LRRC63: variants seen among roughly 807,000 people sequenced by gnomAD.
LRRC63 encodes leucine-rich repeat-containing protein 63.
A neutral mutation model predicts 49.5 loss-of-function variants in LRRC63; 40 were observed. The observed-to-expected ratio is 0.81, with a 90% confidence interval of 0.63 to 1.05. The LOEUF (loss-of-function observed/expected upper bound fraction) is 1.05, where lower values mean the gene tolerates loss of function less well. Among genes scored for constraint, LRRC63 ranks in the 50% least tolerant of loss-of-function variants. The probability of loss-of-function intolerance (pLI) is 0.00; values close to 1 mark genes in which losing one functional copy is unlikely to be tolerated. For synonymous variants in LRRC63, 191 were observed against 221.1 expected (o/e 0.86, Z 1.21); for missense variants, 636 against 663.1 (o/e 0.96, Z 0.45).
At chr13:46,243,460 G>T (rs2047122210) in intron 5 of LRRC63, among the ~76,000 whole-genome samples, 1 of 152,058 alleles carries the variant, frequency 6.6e-6, no homozygotes, top group South Asian at 2.1e-4. Flanking sequence ...TAAAAACCTT[G>T]AATATAAGTA....
Position 46,237,179 on chromosome 13 carries a change from T to C in LRRC63, c.990+2830T>C, listed in dbSNP as rs1288958798. On this transcript the variant is annotated intron_variant, in intron 5 of 9. Transcript: ENST00000595396. ...CAAAACATTCTGGAAAGGGCAAAAA[T>C]GTAAAGGCAGTAAAAGTATCTGTGG... Among the ~76,000 whole-genome samples, 7 of 151,972 alleles carry C rather than the reference T, an allele frequency of 4.6e-5. No individual in the cohort carries two copies. In the East Asian group the frequency reaches 1.4e-3, roughly 29 times the overall value.
At chr13:46,215,756 C>T (rs1226017801) in intron 2 of LRRC63, among the ~76,000 whole-genome samples, 2 of 152,088 alleles carry the variant, frequency 1.3e-5, no homozygotes, top group Non-Finnish European at 2.9e-5. Flanking sequence ...TTAGGTCTTA[C>T]ATTTAAGTCT....
At chr13:46,212,928 T>C in intron 1 of LRRC63, 74 bp from the exon 2 acceptor site, 1 of 730,648 alleles carries the variant, frequency 1.4e-6, no homozygotes, top group South Asian at 1.9e-5. Flanking sequence ...TTCTTTAAGA[T>C]GTAATCTAAA....
At chr13:46,243,983 T>C (rs2047140961) in intron 5 of LRRC63, among the ~76,000 whole-genome samples, 1 of 152,096 alleles carries the variant, frequency 6.6e-6, no homozygotes, top group African/African-American at 2.4e-5. Flanking sequence ...ACAAGAAATG[T>C]TGGAAAAAAA....
chr13:46,217,025 G>C (rs181234708), intron 2 of LRRC63, among the ~76,000 whole-genome samples: 18 of 152,300 alleles, frequency 1.2e-4, no homozygotes, highest in African/African-American at 4.3e-4. Flanking sequence ...TTTTATTGAG[G>C]ATTTTCACAT....
intron 8 of LRRC63, among the ~76,000 whole-genome samples, chr13:46,263,215 C>T (rs937537540): frequency 1.3e-5 from 2 of 151,944 alleles, no homozygotes; most frequent in African/African-American, 2.4e-5. Context: ...CTCACTCTGT[C>T]GCCCAGGCTG....
intron 2 of LRRC63, among the ~76,000 whole-genome samples, chr13:46,220,075 C>T (rs578026329): frequency 9.8e-5 from 15 of 152,288 alleles, no homozygotes; most frequent in East Asian, 9.7e-4. Flanking sequence ...TCATGAGGCA[C>T]GGGGGTCAGG....
intron 7 of LRRC63, among the ~76,000 whole-genome samples, chr13:46,251,956 G>C (rs1245333616): frequency 6.6e-6 from 1 of 151,804 alleles, no homozygotes; most frequent in Non-Finnish European, 1.5e-5. Context: ...TAATCAAAAA[G>C]TTTGCAGAAG....
intron 5 of LRRC63, among the ~76,000 whole-genome samples, chr13:46,240,147 G>A (rs1426833368): frequency 1.5e-5 from 1 of 65,180 alleles, no homozygotes; most frequent in East Asian, 4.6e-4. Flanking sequence ...TTTTTTTTTT[G>A]ACGGAGTCTC....
chr13:46,220,407 G>A (rs750724348), intron 2 of LRRC63, among the ~76,000 whole-genome samples: 2 of 152,124 alleles, frequency 1.3e-5, no homozygotes, highest in Non-Finnish European at 2.9e-5. Context: ...TATACACTGT[G>A]CAGGGAAAAC....
chr13:46,218,394 C>T (rs1230442), intron 2 of LRRC63, among the ~76,000 whole-genome samples: 73,085 of 151,680 alleles, frequency 0.48, 19,174 homozygotes, highest in African/African-American at 0.67. Context: ...TTAAAGTCTG[C>T]TTTATCAGAG....
At position 46,272,978 on chromosome 13, in the gene LRRC63, T is replaced by C. The variant is rs76535810; in HGVS notation, c.1551-3612T>C. On this transcript the variant is annotated intron_variant, in intron 9 of 9. Coordinates refer to ENST00000595396, the Ensembl canonical transcript of LRRC63. ...ATTCTAGGGAGAGGAGTTCCAGTGATTGAAGAGAGGAATAAGCAGGAATCT... is the reference window on the plus strand; with the variant it reads ...ATTCTAGGGAGAGGAGTTCCAGTGACTGAAGAGAGGAATAAGCAGGAATCT... 2.0e-5 allele frequency among the ~76,000 whole-genome samples: 3 copies of C among 152,168 alleles called. No homozygotes were observed. In the East Asian group the frequency reaches 5.8e-4, roughly 29 times the overall value.
chr13:46,275,787 G>A (rs1471340515), intron 9 of LRRC63, among the ~76,000 whole-genome samples: 1 of 151,856 alleles, frequency 6.6e-6, no homozygotes, highest in Non-Finnish European at 1.5e-5. Context: ...CAGTGCAGTA[G>A]GTTTTTAATT....
chr13:46,260,229 G>T (rs73482629), intron 7 of LRRC63, among the ~76,000 whole-genome samples: 2,328 of 152,298 alleles, frequency 0.015, 61 homozygotes, highest in African/African-American at 0.052. Flanking sequence ...AGGGAAGATA[G>T]AATGACTCCA....
intron 9 of LRRC63, among the ~76,000 whole-genome samples, chr13:46,272,108 T>C (rs2047767778): frequency 6.6e-6 from 1 of 152,160 alleles, no homozygotes; most frequent in Admixed American, 6.5e-5. Flanking sequence ...AGGGCAACAA[T>C]GGGTAGCGTC....
Position 46,213,136 on chromosome 13 carries a change from G to T in LRRC63, c.85+17G>T. 6.9e-7 allele frequency: 1 copy of T among 1,440,994 alleles called. No individual in the cohort carries two copies. The highest frequency in any genetic ancestry group is 1.4e-5 in the African/African-American group (1 of 70,090). The allele number at this position is 1,440,994 out of a possible 1,614,324, so 89.3% of individuals were successfully genotyped here. A position where few individuals can be genotyped will look rare whatever the true frequency, so the allele number is the denominator to read the frequency against. On this transcript the variant is annotated intron_variant, in intron 2 of 9. Transcript: ENST00000595396. ...CCCATACAGGTATGTGTATTAATCA[G>T]ATATGTGTATTAACATTTATGTATC...
In LRRC63 at chr13:46,223,757, G is replaced by A. The variant is rs554232451; in HGVS notation, c.86-3755G>A. Among the ~76,000 whole-genome samples the A allele has an allele frequency of 7.5e-4, 114 of 152,276 alleles. 1 individual carries two copies. The highest frequency in any genetic ancestry group is 2.3e-3 in the African/African-American group (94 of 41,548). On this transcript the variant is annotated intron_variant, in intron 2 of 9. Transcript: ENST00000595396. ...TGTAATCCCAGCTACTTGGGAGGCT[G>A]AGGCAGGAGAATCGCTTGAACATGG...
At chr13:46,237,916 T>C (rs941890917) in intron 5 of LRRC63, among the ~76,000 whole-genome samples, 1 of 152,230 alleles carries the variant, frequency 6.6e-6, no homozygotes, top group Non-Finnish European at 1.5e-5. Flanking sequence ...TCCGAGCAGA[T>C]GTTTAATAAG....
At chr13:46,261,837 A>T in intron 7 of LRRC63, 72 bp from the exon 8 acceptor site, 1 of 429,936 alleles carries the variant, frequency 2.3e-6, no homozygotes, top group Non-Finnish European at 4.0e-6. Flanking sequence ...CTGCCTACTT[A>T]CTCAAGTACT....
Sources: gnomAD v4.1 joint callset for allele counts (sites outside exome capture counted in the v4.1 genomes callset) on GRCh38, gnomAD v4.1.1 for gene constraint, MANE v1.5 for transcripts, NCBI Gene and HGNC (gene_info 2026-07-23, HGNC 2026-07-21) for gene names.